MEI1: variants seen among roughly 807,000 people sequenced by gnomAD.
The protein encoded by MEI1 is meiosis inhibitor protein 1.
MEI1 carries 103 observed loss-of-function variants against 146.2 expected under a neutral mutation model. That is an observed-to-expected ratio of 0.70 (90% CI 0.60 to 0.83). The LOEUF (loss-of-function observed/expected upper bound fraction) is 0.83. Among genes scored for constraint, MEI1 ranks in the 40% least tolerant of loss-of-function variants. The pLI is 0.00. For synonymous variants in MEI1, 652 were observed against 628.2 expected, an observed-to-expected ratio of 1.04 and a Z score of -0.57; for missense variants, 1,529 against 1,533.0, an observed-to-expected ratio of 1.00 and a Z score of 0.04.
At chr22:41,750,970 T>C (rs1279720357) in intron 15 of MEI1, among the ~76,000 whole-genome samples, 1 of 79,276 alleles carries the variant, frequency 1.3e-5, no homozygotes, top group Non-Finnish European at 2.7e-5. Flanking sequence ...TGTAGATCTC[T>C]TGGGGGCAGT....
chr22:41,749,345 G>A (rs2073578653), intron 15 of MEI1, among the ~76,000 whole-genome samples: 1 of 151,862 alleles, frequency 6.6e-6, no homozygotes, highest in Non-Finnish European at 1.5e-5. Flanking sequence ...GCACGATCTC[G>A]GCTCACCGCA....
In MEI1 at chr22:41,781,539, TTC is replaced by T. The variant is rs1335153763; in HGVS notation, c.2927-144_2927-143del. On this transcript the variant is annotated intron_variant, in intron 23 of 30. Transcript: ENST00000401548. ...CCTTTCTGGCTCTAATAACCTGAGCTTCTGTTATGAAGCTGGGACCCTTAGAG... is the reference window on the plus strand; with the variant it reads ...CCTTTCTGGCTCTAATAACCTGAGCTTGTTATGAAGCTGGGACCCTTAGAG... The T allele has an allele frequency of 5.2e-6, 6 of 1,162,730 alleles. No individual in the cohort carries two copies. The African/African-American group carries it at 7.7e-5, about 15-fold the overall frequency. 72.0% of individuals were successfully genotyped at this position (1,162,730 alleles called of 1,614,324 possible). A position where few individuals can be genotyped will look rare whatever the true frequency, so the allele number is the denominator to read the frequency against.
At chr22:41,796,231 A>G (rs1006868973) in intron 30 of MEI1, among the ~76,000 whole-genome samples, 5 of 152,092 alleles carry the variant, frequency 3.3e-5, no homozygotes, top group African/African-American at 1.2e-4. Context: ...TCCGTCGCCC[A>G]GGCTGGAGTG....
intron 20 of MEI1, 21 bp from the exon 21 acceptor site, chr22:41,776,081 G>C: frequency 6.2e-7 from 1 of 1,610,788 alleles, no homozygotes. Flanking sequence ...CTGATCTCTG[G>C]CTTTCTTCTC....
intron 27 of MEI1, 174 bp downstream of exon 27, chr22:41,794,084 A>C: frequency 1.5e-6 from 1 of 680,520 alleles, no homozygotes; most frequent in Middle Eastern, 2.4e-4. Flanking sequence ...GGGATCAATA[A>C]GGTTCAGATA....
intron 8 of MEI1, 148 bp downstream of exon 8, chr22:41,729,927 G>C: frequency 1.7e-6 from 1 of 577,656 alleles, no homozygotes; most frequent in South Asian, 2.8e-5. Context: ...TGAGCAATTT[G>C]TTACCGATTT....
rs2074609013 is a variant in MEI1 at position 41,763,111 on chromosome 22, A to C, written c.2121-63A>C. 5.1e-6 allele frequency: 8 copies of C among 1,583,746 alleles called. No individual in the cohort carries two copies. The South Asian group carries it at 9.2e-5, about 18-fold the overall frequency. ...GCTGAGGAAGGATGCGGCCAGGCAG[A>C]ATAGAAGAGCCCAGTGGCCTGCCAA... On this transcript the variant is annotated intron_variant, in intron 18 of 30. Coordinates refer to ENST00000401548, the MANE Select transcript of MEI1 (RefSeq NM_152513.4).
At chr22:41,715,993 T>C (rs758223332) in intron 4 of MEI1, 48 bp from the exon 5 acceptor site, 1 of 1,368,562 alleles carries the variant, frequency 7.3e-7, no homozygotes. Flanking sequence ...TGGTGGAAGA[T>C]CTGTCCTGAT....
At chr22:41,772,320 C>T (rs750919968) in intron 20 of MEI1, among the ~76,000 whole-genome samples, 3 of 152,052 alleles carry the variant, frequency 2.0e-5, no homozygotes, top group African/African-American at 4.8e-5. Flanking sequence ...CTTCTGGGCT[C>T]AAGTGATCCT....
chr22:41,767,086 G>A (rs1569286245), intron 19 of MEI1, among the ~76,000 whole-genome samples: 1 of 152,110 alleles, frequency 6.6e-6, no homozygotes, highest in African/African-American at 2.4e-5. Flanking sequence ...CCTAGATGAG[G>A]TAGTGCTGCA....
chr22:41,709,365 A>G (rs2069355306), intron 3 of MEI1: 1 of 730,134 alleles, frequency 1.4e-6, no homozygotes, highest in South Asian at 1.3e-5. Flanking sequence ...GGGCCTTTTT[A>G]GGCTTGGGCT....
chr22:41,711,732 A>T (rs902486618), intron 3 of MEI1, among the ~76,000 whole-genome samples: 1 of 152,140 alleles, frequency 6.6e-6, no homozygotes, highest in African/African-American at 2.4e-5. Flanking sequence ...CAGCTTTTCC[A>T]ACCTTACCAA....
intron 3 of MEI1, chr22:41,709,176 G>A (rs1174456506): frequency 6.5e-6 from 5 of 768,190 alleles, no homozygotes; most frequent in African/African-American, 5.1e-5. Context: ...ATTTCAAACT[G>A]TACAGTCACC....
chr22:41,705,783 C>T (rs1332788303), intron 3 of MEI1, among the ~76,000 whole-genome samples: 6 of 150,844 alleles, frequency 4.0e-5, no homozygotes, highest in Non-Finnish European at 7.4e-5. Context: ...TCTCAGCTCA[C>T]TGCAACCTCT....
intron 26 of MEI1, among the ~76,000 whole-genome samples, chr22:41,791,349 G>A (rs957008686): frequency 1.3e-5 from 2 of 152,274 alleles, no homozygotes; most frequent in Non-Finnish European, 2.9e-5. Context: ...TTAGCTGGAC[G>A]TGGTGGCACA....
chr22:41,736,543 G>A (rs1379374617), intron 11 of MEI1, among the ~76,000 whole-genome samples: 5 of 151,978 alleles, frequency 3.3e-5, no homozygotes, highest in African/African-American at 7.3e-5. Context: ...GTGAGCTACC[G>A]CGCCTGGCCA....
intron 3 of MEI1, among the ~76,000 whole-genome samples, chr22:41,711,263 C>T (rs999670602): frequency 2.0e-5 from 3 of 152,116 alleles, no homozygotes; most frequent in African/African-American, 7.2e-5. Flanking sequence ...AGCTCTGCCT[C>T]CTGGGTTCAC....
At position 41,743,160 on chromosome 22, in the gene MEI1, A is replaced by C. The variant is rs758200303; in HGVS notation, c.1412A>C (p.Glu471Ala). 7 of 1,613,226 alleles carry C rather than the reference A, an allele frequency of 4.3e-6. No homozygotes were observed. The highest frequency in any genetic ancestry group is 5.9e-6 in the Non-Finnish European group (7 of 1,179,796). The part of the protein sequence containing the change: ...LLEAMLNRCA[E>A]FSQTLLSRRP... ...GAAGCCATGCTAAACCGATGTGCGG[A>C]GTTTTCCCAGACCTTGCTGAGCAGG... Residue 471 changes from glutamate to alanine, a missense_variant, in exon 12 of 31, where the codon GAG becomes GCG. Physicochemically the swap from Glu to Ala is moderately radical, Grantham distance 107. This residue lies in a region of MEI1 where 1,212 missense variants were observed against 1,178.9 expected (regional missense o/e 1.03). Transcript: ENST00000401548.
Position 41,709,303 on chromosome 22 carries a change from G to T in MEI1, c.349+3749G>T, listed in dbSNP as rs1601649725. On this transcript the variant is annotated intron_variant, in intron 3 of 30. Transcript: ENST00000401548. ...TTTCTGCAGGGTTATTCCCTTCCTT[G>T]CCAGCATCCACTTTTCCCTTTTTCC... The T allele has an allele frequency of 4.9e-6, 4 of 811,242 alleles. No individual in the cohort carries two copies. In the East Asian group the frequency reaches 7.4e-5, roughly 15 times the overall value. The allele number at this position is 811,242 out of a possible 1,614,324, so 50.3% of individuals were successfully genotyped here.
Sources: gnomAD v4.1 joint callset for allele counts (sites outside exome capture counted in the v4.1 genomes callset) on GRCh38, gnomAD v4.1.1 for gene constraint, gnomAD v4.1.1 regional missense constraint, MANE v1.5 for transcripts, NCBI Gene and HGNC (gene_info 2026-07-23, HGNC 2026-07-21) for gene names.